CSMD1: variants seen among roughly 807,000 people sequenced by gnomAD.
CSMD1 encodes the protein CUB and sushi domain-containing protein 1.
In CSMD1, 213 loss-of-function variants were observed where a neutral mutation model predicts 417.5. That is an observed-to-expected ratio of 0.51 (90% CI 0.46 to 0.57). The LOEUF is 0.57. Among genes scored for constraint, CSMD1 ranks in the 20% least tolerant of loss-of-function variants. The pLI is 0.00. For missense variants in CSMD1, 6,923 were observed against 4,529.7 expected, an observed-to-expected ratio of 1.53 and a Z score of -15.17; for synonymous variants, 2,862 against 1,736.8, an observed-to-expected ratio of 1.65 and a Z score of -16.11.
chr8:4,165,774 T>C (rs964339357), intron 3 of CSMD1, among the ~76,000 whole-genome samples: 1 of 152,212 alleles, frequency 6.6e-6, no homozygotes, highest in African/African-American at 2.4e-5. Flanking sequence ...CCATGAGGTG[T>C]TAGCTCACGT....
At chr8:4,216,670 G>T (rs1029891670) in intron 3 of CSMD1, among the ~76,000 whole-genome samples, 1 of 152,104 alleles carries the variant, frequency 6.6e-6, no homozygotes, top group South Asian at 2.1e-4. Context: ...TGAGTGAAGG[G>T]AAGCTTCTCA....
At chr8:4,483,888 C>T (rs114060366) in intron 2 of CSMD1, among the ~76,000 whole-genome samples, 1,714 of 152,062 alleles carry the variant, frequency 0.011, 39 homozygotes, top group African/African-American at 0.039. Context: ...AAAAATGAAC[C>T]GAAAGGGTTT....
chr8:4,373,069 C>G (rs1323139309), intron 3 of CSMD1, among the ~76,000 whole-genome samples: 2 of 152,142 alleles, frequency 1.3e-5, no homozygotes, highest in South Asian at 2.1e-4. Flanking sequence ...GATGAGAAGA[C>G]AGTTTACCTG....
intron 1 of CSMD1, among the ~76,000 whole-genome samples, chr8:4,822,471 G>T (rs1161614609): frequency 6.6e-6 from 1 of 151,980 alleles, no homozygotes; most frequent in African/African-American, 2.4e-5. Context: ...CAGTTTACGT[G>T]GATTGTAACC....
chr8:3,058,715 C>G (rs1472934004), intron 49 of CSMD1, among the ~76,000 whole-genome samples: 2 of 152,074 alleles, frequency 1.3e-5, no homozygotes, highest in South Asian at 2.1e-4. Context: ...CTCTACTTTT[C>G]TAACAGGCTG....
chr8:3,668,657 C>G (rs943820239), intron 7 of CSMD1, among the ~76,000 whole-genome samples: 4 of 152,002 alleles, frequency 2.6e-5, no homozygotes, highest in Admixed American at 6.6e-5. Context: ...AATATAGAAG[C>G]TCAGTCTGAG....
Position 3,694,785 on chromosome 8 carries a change from A to G in CSMD1, c.1009+13629T>C, listed in dbSNP as rs553657521. 1.6e-4 allele frequency among the ~76,000 whole-genome samples: 24 copies of G among 151,990 alleles called. No individual in the cohort carries two copies. The East Asian group carries it at 4.5e-3, about 28-fold the overall frequency. ...AAGAAGTGGAAAGAGCGGTCCAAGCAGAAGTAACAGAAAGTGCAGGGAGCC... is the reference window on the plus strand; with the variant it reads ...AAGAAGTGGAAAGAGCGGTCCAAGCGGAAGTAACAGAAAGTGCAGGGAGCC... On this transcript the variant is annotated intron_variant, in intron 7 of 69. Transcript: ENST00000635120.
intron 52 of CSMD1, among the ~76,000 whole-genome samples, chr8:3,008,538 C>G (rs1463064387): frequency 6.6e-6 from 1 of 152,162 alleles, no homozygotes; most frequent in Admixed American, 6.5e-5. Context: ...GCTGAGAGAA[C>G]AAAAGGTTGT....
chr8:4,171,475 A>G (rs1020521227), intron 3 of CSMD1, among the ~76,000 whole-genome samples: 5 of 151,948 alleles, frequency 3.3e-5, no homozygotes, highest in African/African-American at 1.2e-4. Flanking sequence ...TAAGAAATAC[A>G]TAAGAACAGA....
rs142352801 is a variant in CSMD1, at chr8:3,529,742, C to T, written c.1345-36016G>A. 5.0e-4 allele frequency among the ~76,000 whole-genome samples: 76 copies of T among 152,204 alleles called. 1 individual carries two copies. Among genetic ancestry groups the T allele is most frequent in the African/African-American group, 3.9e-4 (16 of 41,538 alleles). ...TATCTGTTGTTTTACTCACAGGAAACGGAATTTAGCCATGCAAAATGCATC... is the reference window on the plus strand; with the variant it reads ...TATCTGTTGTTTTACTCACAGGAAATGGAATTTAGCCATGCAAAATGCATC... On this transcript the variant is annotated intron_variant, in intron 10 of 69. Transcript: ENST00000635120.
At chr8:4,482,165 G>T (rs528778265) in intron 2 of CSMD1, among the ~76,000 whole-genome samples, 2 of 152,214 alleles carry the variant, frequency 1.3e-5, no homozygotes, top group African/African-American at 4.8e-5. Context: ...GTGTCATGGG[G>T]GTTTGCTGTA....
At chr8:4,604,381 T>TTGTGTGTGTGTGTGTGTG (rs368710127) in intron 2 of CSMD1, among the ~76,000 whole-genome samples, 128 of 91,614 alleles carry the variant, frequency 1.4e-3, no homozygotes, top group South Asian at 4.3e-3. Flanking sequence ...ACAAATAGCA[T>TTGTGTGTGTGTGTGTGTG]TGTGTGTGTG....
intron 1 of CSMD1, among the ~76,000 whole-genome samples, chr8:4,671,262 C>T (rs998810030): frequency 1.3e-5 from 2 of 152,110 alleles, no homozygotes; most frequent in African/African-American, 4.8e-5. Flanking sequence ...TTCTTGGTGA[C>T]TATTAGGGCA....
intron 3 of CSMD1, among the ~76,000 whole-genome samples, chr8:4,033,565 T>C (rs899224019): frequency 6.6e-6 from 1 of 152,202 alleles, no homozygotes; most frequent in African/African-American, 2.4e-5. Context: ...TTGATTGATG[T>C]CTTATGTCTC....
At chr8:3,956,320 G>A (rs10094123) in intron 5 of CSMD1, among the ~76,000 whole-genome samples, 4,466 of 152,200 alleles carry the variant, frequency 0.029, 227 homozygotes, top group African/African-American at 0.1. Context: ...ATCTCAAGAT[G>A]GGGAAACTGA....
chr8:3,559,011 C>G (rs776911487), intron 10 of CSMD1, among the ~76,000 whole-genome samples: 3 of 152,136 alleles, frequency 2.0e-5, no homozygotes, highest in Non-Finnish European at 4.4e-5. Context: ...CCGTGGTGGT[C>G]TGGTGACCTG....
intron 7 of CSMD1, among the ~76,000 whole-genome samples, chr8:3,658,795 T>G (rs1309684631): frequency 1.3e-5 from 2 of 152,032 alleles, no homozygotes; most frequent in Non-Finnish European, 2.9e-5. Flanking sequence ...AAAATAAAAA[T>G]AAAAATAAAG....
At chr8:3,943,073 TC>T (rs1294867074) in intron 5 of CSMD1, among the ~76,000 whole-genome samples, 2 of 152,118 alleles carry the variant, frequency 1.3e-5, no homozygotes, top group Non-Finnish European at 2.9e-5. Context: ...ATAAAATCTC[TC>T]TATTACCCCA....
At chr8:4,590,536 T>G (rs1285687342) in intron 2 of CSMD1, among the ~76,000 whole-genome samples, 4 of 152,104 alleles carry the variant, frequency 2.6e-5, no homozygotes, top group Non-Finnish European at 5.9e-5. Context: ...TACCTGGAAT[T>G]ATGACACCTC....
Sources: allele counts gnomAD v4.1 joint callset (sites outside exome capture counted in the v4.1 genomes callset), GRCh38; gene constraint gnomAD v4.1.1; transcripts MANE v1.5; gene names NCBI Gene and HGNC (gene_info 2026-07-23, HGNC 2026-07-21).